Variants in TTC19 observed in about 807,000 individuals in gnomAD.
TTC19 encodes tetratricopeptide repeat domain 19, also known as tetratricopeptide repeat protein 19, mitochondrial.
TTC19 carries 38 observed loss-of-function variants against 49.5 expected under a neutral mutation model. That is an observed-to-expected ratio of 0.77 (90% CI 0.59 to 1.01). TTC19 has a LOEUF of 1.01. Among genes scored for constraint, TTC19 ranks in the 50% least tolerant of loss-of-function variants. TTC19 has a pLI of 0.00. For synonymous variants in TTC19, 204 were observed against 185.2 expected (o/e 1.10, Z -0.83); for missense variants, 475 against 477.7 (o/e 0.99, Z 0.05).
At chr17:16,041,924 G>A (rs993886983) in intron 2 of TTC19, among the ~76,000 whole-genome samples, 1 of 152,024 alleles carries the variant, frequency 6.6e-6, no homozygotes, top group Non-Finnish European at 1.5e-5. Context: ...TTTTAGTAGA[G>A]ATGGGATTTC....
intron 7 of TTC19, chr17:16,024,107 A>G (rs1971467923): frequency 6.6e-6 from 1 of 152,146 alleles, no homozygotes; most frequent in South Asian, 2.1e-4. Flanking sequence ...ACCCAGGTTG[A>G]TATAGGTTAC....
intron 2 of TTC19, among the ~76,000 whole-genome samples, chr17:16,041,496 C>G (rs1445369428): frequency 6.7e-6 from 1 of 148,962 alleles, no homozygotes; most frequent in Admixed American, 6.7e-5. Context: ...TCACTGCAAC[C>G]TCTGCCTCCT....
intron 2 of TTC19, chr17:16,034,755 G>C: frequency 6.3e-7 from 1 of 1,596,044 alleles, no homozygotes; most frequent in Non-Finnish European, 8.5e-7. Flanking sequence ...AGTTAAAGCA[G>C]AATCCTTACC....
intron 9 of TTC19, chr17:16,026,980 T>C: frequency 1.9e-6 from 1 of 540,258 alleles, no homozygotes; most frequent in Non-Finnish European, 3.3e-6. Context: ...GCTTTACAGA[T>C]TTCTAAATGT....
At position 16,021,832 on chromosome 17, in the gene TTC19, A is replaced by G. The variant is rs201276585; in HGVS notation, c.677-3185A>G. Among the ~76,000 whole-genome samples the G allele has an allele frequency of 2.0e-5, 3 of 152,190 alleles. No homozygotes were observed. The East Asian group carries it at 5.8e-4, about 29-fold the overall frequency. On this transcript the variant is annotated intron_variant, in intron 7 of 9. Transcript: ENST00000261647. Reference sequence around the variant, plus strand: ...GTCATGTTTACTAATCTTGGATTATACATTCATCTTCAGCAAGGTTTTAGC... The same window carrying G: ...GTCATGTTTACTAATCTTGGATTATGCATTCATCTTCAGCAAGGTTTTAGC...
At chr17:16,020,044 C>T (rs1471715125) in intron 7 of TTC19, among the ~76,000 whole-genome samples, 1 of 151,360 alleles carries the variant, frequency 6.6e-6, no homozygotes, top group Admixed American at 6.6e-5. Context: ...GCATGCGAAT[C>T]GCTTAAACCC....
chr17:16,024,985 G>T, intron 7 of TTC19, 32 bp from the exon 8 acceptor site: 2 of 1,611,628 alleles, frequency 1.2e-6, no homozygotes, highest in Non-Finnish European at 1.7e-6. Flanking sequence ...CAACCATTTG[G>T]GTAGATTTGC....
At chr17:16,006,147 C>T (rs1409048281) in intron 6 of TTC19, among the ~76,000 whole-genome samples, 1 of 152,182 alleles carries the variant, frequency 6.6e-6, no homozygotes, top group Non-Finnish European at 1.5e-5. Flanking sequence ...CAGTGGCTCA[C>T]GCCTGTAATC....
chr17:16,027,842 G>A lies in TTC19; in HGVS notation c.*320G>A. On this transcript the variant is annotated 3_prime_UTR_variant, in exon 10 of 10. Transcript: ENST00000261647. ...TGGGCTGGTGTTCCTGTGCGCTGTG[G>A]GTGTGGTGATTCAGCCTGGCATTTC... 1 of 485,004 alleles carries A rather than the reference G, an allele frequency of 2.1e-6. No individual in the cohort carries two copies. The highest frequency in any genetic ancestry group is 4.1e-6 in the Non-Finnish European group (1 of 246,444). 30.0% of individuals were successfully genotyped at this position (485,004 alleles called of 1,614,324 possible). A position where few individuals can be genotyped will look rare whatever the true frequency, so the allele number is the denominator to read the frequency against.
chr17:16,012,664 G>A (rs1165717020), intron 7 of TTC19, among the ~76,000 whole-genome samples: 2 of 151,934 alleles, frequency 1.3e-5, no homozygotes, highest in South Asian at 2.1e-4. Context: ...TCAGCCTCCC[G>A]AGTAGCTGGG....
intron 2 of TTC19, among the ~76,000 whole-genome samples, chr17:16,037,782 T>G (rs938105414): frequency 6.6e-6 from 1 of 152,234 alleles, no homozygotes; most frequent in Admixed American, 6.5e-5. Flanking sequence ...TTTTCCAGAC[T>G]GTGTAGCTGA....
intron 4 of TTC19, 143 bp from the exon 5 acceptor site, chr17:16,003,688 T>A: frequency 1.3e-6 from 1 of 749,360 alleles, no homozygotes; most frequent in Non-Finnish European, 2.3e-6. Flanking sequence ...AAGGGTACTT[T>A]TCTGTGTGTG....
chr17:16,002,002 G>T lies in TTC19; in HGVS notation c.400G>T (p.Ala134Ser). ...RLAYQTDNKK[A>S]ITYTYDLMAN... ...CGCCTATCAGACTGATAACAAGAAG[G>T]CCATCACTTACACTTATGATTTGGT... Residue 134 changes from alanine to serine, a missense_variant, in exon 3 of 10, where the codon GCC (alanine) becomes TCC (serine). Coordinates refer to ENST00000261647, the MANE Select transcript of TTC19 (RefSeq NM_017775.4). 6.2e-7 allele frequency: 1 copy of T among 1,612,446 alleles called. No homozygotes were observed. The highest frequency in any genetic ancestry group is 8.5e-7 in the Non-Finnish European group (1 of 1,179,720).
intron 7 of TTC19, among the ~76,000 whole-genome samples, chr17:16,018,883 C>G (rs992802544): frequency 6.6e-6 from 1 of 152,172 alleles, no homozygotes; most frequent in Non-Finnish European, 1.5e-5. Flanking sequence ...TATCTGTGTA[C>G]TTTCAGCCTT....
intron 6 of TTC19, among the ~76,000 whole-genome samples, chr17:16,004,991 A>G (rs1567578068): frequency 6.6e-6 from 1 of 152,248 alleles, no homozygotes; most frequent in Admixed American, 6.5e-5. Flanking sequence ...ATGCCAGGGA[A>G]CACTGCAGCT....
chr17:16,017,919 A>G (rs527643412), intron 7 of TTC19, among the ~76,000 whole-genome samples: 3 of 152,176 alleles, frequency 2.0e-5, no homozygotes, highest in Non-Finnish European at 4.4e-5. Flanking sequence ...TAGGGAAGGT[A>G]TATGTATATA....
chr17:16,025,773 A>C (rs914574649), intron 8 of TTC19, among the ~76,000 whole-genome samples: 4 of 152,210 alleles, frequency 2.6e-5, no homozygotes, highest in African/African-American at 9.7e-5. Context: ...TGCTACTGCC[A>C]ATATAAGACA....
At chr17:16,029,541 G>C (rs926978211), downstream of TTC19, 3 of 229,660 alleles carry the variant, frequency 1.3e-5, no homozygotes, top group African/African-American at 2.3e-5. Context: ...TTTATGAAGA[G>C]TATTAGGAAG....
chr17:16,013,051 A>C (rs1289087230), intron 7 of TTC19, among the ~76,000 whole-genome samples: 3 of 152,136 alleles, frequency 2.0e-5, no homozygotes, highest in African/African-American at 7.2e-5. Flanking sequence ...AAAAAATAAA[A>C]AAATTACCTG....
Sources: allele counts gnomAD v4.1 joint callset (sites outside exome capture counted in the v4.1 genomes callset), GRCh38; gene constraint gnomAD v4.1.1; transcripts MANE v1.5; gene names NCBI Gene and HGNC (gene_info 2026-07-23, HGNC 2026-07-21).